Variants in FRMD3 observed in about 807,000 individuals in gnomAD.
The protein encoded by FRMD3 is FERM domain-containing protein 3.
FRMD3 carries 33 observed loss-of-function variants against 70.2 expected under a neutral mutation model. The ratio of observed to expected loss-of-function variants is 0.47; its 90% CI spans 0.36 to 0.63. FRMD3 has a LOEUF of 0.63. FRMD3 is among the 20% of genes least tolerant of loss of function. FRMD3 has a pLI of 0.00. For synonymous variants in FRMD3, 279 were observed against 255.9 expected (o/e 1.09, Z -0.86); for missense variants, 632 against 711.4 (o/e 0.89, Z 1.27).
At chr9:83,538,440 C>T, upstream of FRMD3, 1 of 382,456 alleles carries the variant, frequency 2.6e-6, no homozygotes, top group Non-Finnish European at 4.6e-6. This position sits in a 1 kb window ranked among gnomAD's most constrained non-coding sequence, Gnocchi z 4.7. Flanking sequence ...CTCCGCCTCG[C>T]CCCCTCCTTT....
intron 5 of FRMD3, among the ~76,000 whole-genome samples, chr9:83,341,596 A>G (rs1209930548): frequency 6.6e-6 from 1 of 152,130 alleles, no homozygotes; most frequent in Non-Finnish European, 1.5e-5. Flanking sequence ...TGGGATTTAC[A>G]GTCCTTTCAC....
At chr9:83,561,559 T>C in the FRMD3 span, among the ~76,000 whole-genome samples, 2 of 152,346 alleles carry the variant, frequency 1.3e-5, no homozygotes, top group Non-Finnish European at 1.5e-5. Flanking sequence ...AAACAATTTA[T>C]TTATTGCTTA....
At chr9:83,291,727 C>G (rs1834427466) in intron 12 of FRMD3, among the ~76,000 whole-genome samples, 1 of 152,208 alleles carries the variant, frequency 6.6e-6, no homozygotes, top group Non-Finnish European at 1.5e-5. Flanking sequence ...GCCAGCCATA[C>G]TTGTGCATCT....
chr9:83,244,068 C>T (rs1563966422), downstream of FRMD3, among the ~76,000 whole-genome samples: 2 of 151,778 alleles, frequency 1.3e-5, no homozygotes, highest in East Asian at 3.9e-4. Flanking sequence ...GAGGAGGTTG[C>T]GGTGAGCCGT....
intron 1 of FRMD3, among the ~76,000 whole-genome samples, chr9:83,500,255 C>T (rs984859994): frequency 1.3e-5 from 2 of 151,868 alleles, no homozygotes; most frequent in Admixed American, 1.3e-4. Flanking sequence ...AGTTAATAAT[C>T]ATGTATTTAT....
chr9:83,463,130 G>T (rs936819583), intron 1 of FRMD3, among the ~76,000 whole-genome samples: 1 of 152,138 alleles, frequency 6.6e-6, no homozygotes. Context: ...AGAATGGGGG[G>T]ACTCAGAGCC....
At chr9:83,549,938 A>T in the FRMD3 span, among the ~76,000 whole-genome samples, 1 of 152,186 alleles carries the variant, frequency 6.6e-6, no homozygotes, top group African/African-American at 2.4e-5. Context: ...TGCTGTGCAG[A>T]AGCTCTAAAG....
chr9:83,577,365 A>G, the FRMD3 span, among the ~76,000 whole-genome samples: 1 of 152,118 alleles, frequency 6.6e-6, no homozygotes, highest in Non-Finnish European at 1.5e-5. Flanking sequence ...ATAGACATGT[A>G]GATCCATAGA....
chr9:83,300,546 G>A (rs1834871980), intron 10 of FRMD3, among the ~76,000 whole-genome samples: 1 of 152,202 alleles, frequency 6.6e-6, no homozygotes, highest in East Asian at 1.9e-4. Context: ...AGACTCAGAA[G>A]GGGAGGGTAG....
At chr9:83,326,952 T>C (rs2095586871) in intron 6 of FRMD3, among the ~76,000 whole-genome samples, 1 of 152,246 alleles carries the variant, frequency 6.6e-6, no homozygotes, top group African/African-American at 2.4e-5. Context: ...ATTTCCCTTT[T>C]ATTGATCCTC....
intron 1 of FRMD3, among the ~76,000 whole-genome samples, chr9:83,479,010 A>G (rs1828464861): frequency 1.3e-5 from 2 of 152,310 alleles, no homozygotes; most frequent in South Asian, 4.1e-4. Context: ...TGAATAATTG[A>G]ATAAAAGAAT....
chr9:83,405,563 A>G (rs750537333), intron 1 of FRMD3, among the ~76,000 whole-genome samples: 15 of 151,586 alleles, frequency 9.9e-5, no homozygotes, highest in Non-Finnish European at 1.5e-4. Flanking sequence ...GGAGTTCGAG[A>G]CCAGCCTGAC....
intron 1 of FRMD3, among the ~76,000 whole-genome samples, chr9:83,516,527 A>G (rs1829459078): frequency 6.6e-6 from 1 of 152,208 alleles, no homozygotes; most frequent in Non-Finnish European, 1.5e-5. Context: ...ATAGTGGGAG[A>G]CTTTAACACC....
chr9:83,326,851 T>C (rs949730199), intron 6 of FRMD3, among the ~76,000 whole-genome samples: 2 of 152,240 alleles, frequency 1.3e-5, no homozygotes, highest in African/African-American at 4.8e-5. Context: ...AGATAGGCTT[T>C]TCTAATATAT....
chr9:83,253,954 T>C (rs7040534), intron 13 of FRMD3, among the ~76,000 whole-genome samples: 17,813 of 152,084 alleles, frequency 0.12, 3,420 homozygotes, highest in African/African-American at 0.4. Flanking sequence ...GATGAGTTCA[T>C]GTCCTTTGTA....
chr9:83,567,344 T>G, the FRMD3 span, among the ~76,000 whole-genome samples: 1 of 152,144 alleles, frequency 6.6e-6, no homozygotes, highest in Admixed American at 6.5e-5. Flanking sequence ...CACTTTTTCC[T>G]CCTAGGCCTC....
rs570283178 is a variant in FRMD3, at chr9:83,333,895, G to A, written c.596+1621C>T. Reference sequence around the variant, plus strand: ...ATCCCACACTAGAAAGAACAATAGCGCCCATCTAATAGAGTTTGGGAGAAC... The same window carrying A: ...ATCCCACACTAGAAAGAACAATAGCACCCATCTAATAGAGTTTGGGAGAAC... On this transcript the variant is annotated intron_variant, in intron 6 of 13. Coordinates refer to ENST00000304195, the MANE Select transcript of FRMD3 (RefSeq NM_174938.6). Among the ~76,000 whole-genome samples the A allele has an allele frequency of 3.3e-5, 5 of 152,086 alleles. No homozygotes were observed. The East Asian group carries it at 5.8e-4, about 18-fold the overall frequency.
intron 1 of FRMD3, among the ~76,000 whole-genome samples, chr9:83,491,283 T>C (rs533083761): frequency 7.0e-4 from 107 of 152,272 alleles, no homozygotes; most frequent in African/African-American, 2.4e-3. Context: ...GAAGGAAGGG[T>C]TGCAATAATA....
chr9:83,268,149 GA>G (rs1833364280), intron 13 of FRMD3, among the ~76,000 whole-genome samples: 1 of 152,156 alleles, frequency 6.6e-6, no homozygotes, highest in African/African-American at 2.4e-5. Context: ...AGGATGAGAA[GA>G]AAAAATTTTC....
Sources: gnomAD v4.1 joint callset for allele counts (sites outside exome capture counted in the v4.1 genomes callset) on GRCh38, gnomAD v4.1.1 for gene constraint, Gnocchi (gnomAD v3.1) non-coding constraint, MANE v1.5 for transcripts, NCBI Gene and HGNC (gene_info 2026-07-23, HGNC 2026-07-21) for gene names.